SYT17: variants seen among roughly 807,000 people sequenced by gnomAD.
SYT17 encodes the protein synaptotagmin 17.
In SYT17, 22 loss-of-function variants were observed where a neutral mutation model predicts 46.7. The ratio of observed to expected loss-of-function variants is 0.47; its 90% CI spans 0.34 to 0.67. The LOEUF (loss-of-function observed/expected upper bound fraction) is 0.67. Among genes scored for constraint, SYT17 ranks in the 30% least tolerant of loss-of-function variants. SYT17 has a pLI of 0.01. For missense variants in SYT17, 519 were observed against 612.8 expected (o/e 0.85, Z 1.62); for synonymous variants, 251 against 248.4 (o/e 1.01, Z -0.10).
intron 7 of SYT17, among the ~76,000 whole-genome samples, chr16:19,262,152 G>C (rs998247203): frequency 2.6e-4 from 39 of 152,310 alleles, no homozygotes; most frequent in African/African-American, 9.1e-4. Context: ...AAAGCATACA[G>C]ACCAAAATCA....
intron 7 of SYT17, among the ~76,000 whole-genome samples, chr16:19,250,949 C>T (rs1968017714): frequency 6.6e-6 from 1 of 152,082 alleles, no homozygotes; most frequent in South Asian, 2.1e-4. Context: ...TCTTTTTGAC[C>T]TTTATGTAAA....
At chr16:19,211,133 A>C (rs1475454796) in intron 5 of SYT17, 1 of 357,372 alleles carries the variant, frequency 2.8e-6, no homozygotes, top group African/African-American at 2.1e-5. Context: ...AGCCCACCCC[A>C]CGTGGTTCGA....
At chr16:19,179,743 C>T (rs765569517) in intron 3 of SYT17, among the ~76,000 whole-genome samples, 1 of 152,162 alleles carries the variant, frequency 6.6e-6, no homozygotes, top group African/African-American at 2.4e-5. Context: ...TACCCTGTAT[C>T]GTCTTCCTTC....
chr16:19,204,433 GGAGGTCTCTA>G (rs1022053747), intron 5 of SYT17, among the ~76,000 whole-genome samples: 2 of 152,068 alleles, frequency 1.3e-5, no homozygotes, highest in African/African-American at 4.8e-5. Flanking sequence ...AGAGGGTGAG[GGAGGTCTCTA>G]GAGCCTCACT....
rs1032398374 is a variant in SYT17, at chr16:19,250,359, T to G, written c.1229-16521T>G. Among the ~76,000 whole-genome samples the G allele has an allele frequency of 2.3e-5, 3 of 132,468 alleles. No homozygotes were observed. The East Asian group carries it at 6.6e-4, about 29-fold the overall frequency. The allele number at this position is 132,468 out of a possible 152,430, so 86.9% of individuals were successfully genotyped here. ...TTTCAAAAAGATGTCTCAAACATGT[T>G]TGTGTGTGTGTGTGTGTGTGTGTGT... is the stretch of plus-strand genomic sequence containing the variant. On this transcript the variant is annotated intron_variant, in intron 7 of 7. Coordinates refer to ENST00000355377, the MANE Select transcript of SYT17 (RefSeq NM_016524.4).
chr16:19,219,024 T>C (rs931925682), intron 5 of SYT17, among the ~76,000 whole-genome samples: 2 of 152,198 alleles, frequency 1.3e-5, no homozygotes, highest in African/African-American at 4.8e-5. Context: ...GCGAACCCCA[T>C]CCATTCTCTT....
chr16:19,184,589 G>A (rs1356338473), intron 5 of SYT17, among the ~76,000 whole-genome samples: 2 of 150,520 alleles, frequency 1.3e-5, no homozygotes, highest in Non-Finnish European at 3.0e-5. Flanking sequence ...TAGAGATGAG[G>A]TTTTCCGTGT....
At chr16:19,170,127 A>G (rs1006929646) in intron 1 of SYT17, 4 of 151,772 alleles carry the variant, frequency 2.6e-5, no homozygotes, top group African/African-American at 9.7e-5. Flanking sequence ...GCCAGATACT[A>G]TTTTTTTTCT....
chr16:19,241,292 G>A (rs959492290), intron 7 of SYT17, among the ~76,000 whole-genome samples: 2 of 143,820 alleles, frequency 1.4e-5, no homozygotes, highest in African/African-American at 5.0e-5. Context: ...AGTGGGTGCT[G>A]AAAGCAGGGA....
intron 7 of SYT17, among the ~76,000 whole-genome samples, chr16:19,250,682 T>C (rs149539367): frequency 1.3e-5 from 2 of 152,164 alleles, no homozygotes; most frequent in Admixed American, 6.5e-5. Flanking sequence ...CCCACAGTGC[T>C]GGGATTACAG....
At chr16:19,250,978 T>A (rs982932907) in intron 7 of SYT17, among the ~76,000 whole-genome samples, 2 of 152,194 alleles carry the variant, frequency 1.3e-5, no homozygotes, top group Non-Finnish European at 2.9e-5. Context: ...CACCCCTTCC[T>A]TCATTCAGCA....
chr16:19,185,784 C>T (rs562065510), intron 5 of SYT17, among the ~76,000 whole-genome samples: 10 of 152,278 alleles, frequency 6.6e-5, no homozygotes, highest in South Asian at 6.2e-4. Flanking sequence ...GAGGGCCTGG[C>T]GGGTGGCGAG....
chr16:19,183,662 A>G lies in SYT17; in HGVS notation c.466A>G (p.Lys156Glu), dbSNP rs779256041. The G allele has an allele frequency of 6.2e-7, 1 of 1,614,152 alleles. No individual in the cohort carries two copies. The highest frequency in any genetic ancestry group is 8.5e-7 in the Non-Finnish European group (1 of 1,180,024). ...CTATAACCCCGACGACTATTTCAGGAAGTTCGAACCCCACCTGTACTCCCT... is the reference window on the plus strand; with the variant it reads ...CTATAACCCCGACGACTATTTCAGGGAGTTCGAACCCCACCTGTACTCCCT... ...RTYNPDDYFR[K>E]FEPHLYSLDS... The change falls in exon 5 of 8, where the codon AAG becomes GAG. Residue 156 changes from lysine (K) to glutamate (E), a missense_variant. Transcript: ENST00000355377. The surrounding 1 kb of genome is among the most constrained non-coding windows in gnomAD (Gnocchi z 5.6).
At chr16:19,205,624 T>TAAAGATAC (rs375682572) in intron 5 of SYT17, among the ~76,000 whole-genome samples, 5 of 152,212 alleles carry the variant, frequency 3.3e-5, no homozygotes, top group African/African-American at 7.2e-5. Flanking sequence ...ATCTTTGGTA[T>TAAAGATAC]AAAGATACAA....
chr16:19,249,279 T>TAAATAAATAAATAAATA (rs1967843567), intron 7 of SYT17, among the ~76,000 whole-genome samples: 1 of 128,470 alleles, frequency 7.8e-6, no homozygotes, highest in Non-Finnish European at 1.5e-5. Flanking sequence ...GTCTCAAAAA[T>TAAATAAATAAATAAATA]AAATAAATAA....
At chr16:19,221,137 T>A (rs1966300695) in intron 5 of SYT17, among the ~76,000 whole-genome samples, 1 of 145,290 alleles carries the variant, frequency 6.9e-6, no homozygotes. Context: ...TGCAGGGAGC[T>A]ATGATCATGC....
intron 5 of SYT17, among the ~76,000 whole-genome samples, chr16:19,187,722 A>G (rs578062121): frequency 1.4e-4 from 21 of 152,298 alleles, no homozygotes; most frequent in African/African-American, 5.1e-4. Flanking sequence ...TGCTGCCAAC[A>G]ATCATATGAA....
intron 7 of SYT17, among the ~76,000 whole-genome samples, chr16:19,263,613 C>T (rs1969141407): frequency 1.5e-5 from 2 of 134,880 alleles, no homozygotes; most frequent in African/African-American, 5.8e-5. Context: ...GCATCCCAGC[C>T]TGGGTGACAA....
At position 19,267,186 on chromosome 16, in the gene SYT17, T is replaced by G; in HGVS notation, c.*110T>G. ...CCTGCATACACACTCGCAACATGTC[T>G]ACACACGTCCACACACACAGACACA... is the stretch of plus-strand genomic sequence containing the variant. On this transcript the variant is annotated 3_prime_UTR_variant, in exon 8 of 8. Coordinates refer to ENST00000355377, the MANE Select transcript of SYT17 (RefSeq NM_016524.4). 1 of 954,692 alleles carries G rather than the reference T, an allele frequency of 1.0e-6. No individual in the cohort carries two copies. The highest frequency in any genetic ancestry group is 1.5e-6 in the Non-Finnish European group (1 of 663,884). 59.1% of individuals were successfully genotyped at this position (954,692 alleles called of 1,614,324 possible).
Sources: allele counts gnomAD v4.1 joint callset (sites outside exome capture counted in the v4.1 genomes callset), GRCh38; gene constraint gnomAD v4.1.1; non-coding constraint Gnocchi (gnomAD v3.1); transcripts MANE v1.5; gene names NCBI Gene and HGNC (gene_info 2026-07-23, HGNC 2026-07-21).